The following BAHCC1 variants were observed in gnomAD, a reference collection of about 807,000 sequenced individuals.
The protein encoded by BAHCC1 is BAH and coiled-coil domain-containing protein 1.
In BAHCC1, 43 loss-of-function variants were observed where a neutral mutation model predicts 88.2. That is an observed-to-expected ratio of 0.49 (90% confidence interval 0.38 to 0.63). BAHCC1 has a LOEUF of 0.63. Among genes scored for constraint, BAHCC1 ranks in the 20% least tolerant of loss-of-function variants. The pLI, the probability that BAHCC1 is intolerant of heterozygous loss-of-function variation, is 0.00. For synonymous variants in BAHCC1, 1,510 were observed against 745.5 expected (o/e 2.03, Z -16.71); for missense variants, 3,023 against 1,654.8 (o/e 1.83, Z -14.34).
intron 2 of BAHCC1, among the ~76,000 whole-genome samples, chr17:81,418,773 G>A (rs2064068687): frequency 2.1e-5 from 2 of 94,418 alleles, no homozygotes; most frequent in South Asian, 7.7e-4. Context: ...GTACGTGTGT[G>A]TACGTGTGTG....
At chr17:81,422,724 G>C (rs1453094954) in intron 2 of BAHCC1, 1 of 418,914 alleles carries the variant, frequency 2.4e-6, no homozygotes, top group Non-Finnish European at 4.8e-6. Flanking sequence ...CAAGGTACAG[G>C]GTTCTCAGGC....
chr17:81,410,023 G>A, intron 2 of BAHCC1: 1 of 290,324 alleles, frequency 3.4e-6, no homozygotes, highest in Non-Finnish European at 7.3e-6. Flanking sequence ...GGTGGCCCCT[G>A]CTCTTCCCTC....
At chr17:81,410,868 G>A (rs1163543320) in intron 2 of BAHCC1, among the ~76,000 whole-genome samples, 2 of 152,102 alleles carry the variant, frequency 1.3e-5, no homozygotes, top group African/African-American at 2.4e-5. Flanking sequence ...GGGGTTGGGG[G>A]ACAATGAAGC....
At chr17:81,456,997 G>A (rs1403137833) in intron 16 of BAHCC1, among the ~76,000 whole-genome samples, 1 of 152,064 alleles carries the variant, frequency 6.6e-6, no homozygotes, top group African/African-American at 2.4e-5. Flanking sequence ...AAAAATAGAA[G>A]CTTCCTTTCT....
At chr17:81,418,109 G>A (rs1055461624) in intron 2 of BAHCC1, among the ~76,000 whole-genome samples, 8 of 152,232 alleles carry the variant, frequency 5.3e-5, no homozygotes, top group African/African-American at 1.9e-4. Context: ...GGCAGAAGAG[G>A]CAACAGTAAG....
intron 2 of BAHCC1, among the ~76,000 whole-genome samples, chr17:81,405,605 C>G (rs1476914674): frequency 2.0e-5 from 3 of 152,180 alleles, no homozygotes; most frequent in Admixed American, 6.5e-5. Flanking sequence ...CTGTCCATGT[C>G]CCTGGGCTGG....
chr17:81,411,514 G>GCCTTCCTTCCTTCCTTCCTTCCATCCTT lies in BAHCC1; in HGVS notation c.178+11619_178+11620insATCCTTCCTTCCTTCCTTCCTTCCTTCC, dbSNP rs2063952588. The GCCTTCCTTCCTTCCTTCCTTCCATCCTT allele has an allele frequency of 5.9e-6, 1 of 168,876 alleles. No individual in the cohort carries two copies. The highest frequency in any genetic ancestry group is 7.1e-5 in the Admixed American group (1 of 14,122). The allele number at this position is 168,876 out of a possible 1,614,324, so 10.5% of individuals were successfully genotyped here. Reference sequence around the variant, plus strand: ...TGCCTGCCTGCCTGCCTGCCTGCCTGCCTTCCTTCCTTCCTTCCTTCCTTC... The same window carrying GCCTTCCTTCCTTCCTTCCTTCCATCCTT: ...TGCCTGCCTGCCTGCCTGCCTGCCTGCCTTCCTTCCTTCCTTCCTTCCATCCTTCCTTCCTTCCTTCCTTCCTTCCTTC... On this transcript the variant is annotated intron_variant, in intron 2 of 27. Transcript: ENST00000675386. The surrounding 1 kb of genome is among the most constrained non-coding windows in gnomAD (Gnocchi z 6.2).
chr17:81,462,551 C>T (rs1371055721), intron 26 of BAHCC1, 189 bp from the exon 27 acceptor site: 3 of 581,610 alleles, frequency 5.2e-6, no homozygotes, highest in Non-Finnish European at 9.1e-6. Flanking sequence ...AGGCGTGGCC[C>T]CTGCTCCAGA....
In BAHCC1 at chr17:81,447,562, C is replaced by A. The variant is rs375519029; in HGVS notation, c.3690C>A (p.Asp1230Glu). 1.3e-6 allele frequency: 1 copy of A among 756,724 alleles called. No homozygotes were observed. 46.9% of individuals were successfully genotyped at this position (756,724 alleles called of 1,614,324 possible). A position where few individuals can be genotyped will look rare whatever the true frequency, so the allele number is the denominator to read the frequency against. The change falls in exon 11 of 28, where the codon GAC (aspartate) becomes GAA (glutamate). Residue 1230 changes from aspartate to glutamate, a missense_variant. By Grantham distance (45) the Asp-to-Glu change is conservative. Coordinates refer to ENST00000675386, the MANE Select transcript of BAHCC1 (RefSeq NM_001377448.1). ...PAPEEDELEEDELGQQSMEDS... is the reference protein window; with the variant it reads ...PAPEEDELEEEELGQQSMEDS... ...CTGAGGAGGACGAGCTGGAGGAAGA[C>A]GAGCTGGGGCAGCAGAGCATGGAGG...
At chr17:81,416,116 G>GTGTA (rs1555648642) in intron 2 of BAHCC1, among the ~76,000 whole-genome samples, 2 of 147,956 alleles carry the variant, frequency 1.4e-5, no homozygotes, top group Non-Finnish European at 1.5e-5. Flanking sequence ...GGGTGTGTGT[G>GTGTA]TGTCCATGAG....
At chr17:81,422,796 C>A (rs1555649745) in intron 2 of BAHCC1, 2 of 442,490 alleles carry the variant, frequency 4.5e-6, no homozygotes, top group African/African-American at 4.1e-5. Context: ...TTCCCACCAT[C>A]CCGAGGAGGA....
chr17:81,399,128 A>AGTGTGAGTGT lies in BAHCC1; in HGVS notation c.-206-401_-206-400insAGTGTGTGTG, dbSNP rs1555645399. 1 of 224,236 alleles carries AGTGTGAGTGT rather than the reference A, an allele frequency of 4.5e-6. No individual in the cohort carries two copies. Among genetic ancestry groups the AGTGTGAGTGT allele is most frequent in the Admixed American group, 5.0e-5 (1 of 20,002 alleles). The allele number at this position is 224,236 out of a possible 1,614,324, so 13.9% of individuals were successfully genotyped here. A position where few individuals can be genotyped will look rare whatever the true frequency, so the allele number is the denominator to read the frequency against. Reference sequence around the variant, plus strand: ...GGGGAGGGGAGAGGGTGTGCGTGTGAGTGTGTGTGTGTGTGTGTGTGTGTG... The same window carrying AGTGTGAGTGT: ...GGGGAGGGGAGAGGGTGTGCGTGTGAGTGTGAGTGTGTGTGTGTGTGTGTGTGTGTGTGTG... On this transcript the variant is annotated intron_variant, in intron 1 of 27. Transcript: ENST00000675386. The surrounding 1 kb of genome is among the most constrained non-coding windows in gnomAD (Gnocchi z 4.5).
At chr17:81,430,782 T>C (rs1223342393) in intron 3 of BAHCC1, among the ~76,000 whole-genome samples, 1 of 152,054 alleles carries the variant, frequency 6.6e-6, no homozygotes, top group Non-Finnish European at 1.5e-5. Flanking sequence ...CCGGCCTCGG[T>C]TTCCTCGGTG....
intron 10 of BAHCC1, among the ~76,000 whole-genome samples, chr17:81,446,158 T>G (rs1375114074): frequency 6.6e-6 from 1 of 152,092 alleles, no homozygotes; most frequent in Non-Finnish European, 1.5e-5. Context: ...GCCTATTTGA[T>G]TCTCTCTGAG....
chr17:81,405,632 A>G (rs1483018408), intron 2 of BAHCC1, among the ~76,000 whole-genome samples: 1 of 152,184 alleles, frequency 6.6e-6, no homozygotes, highest in African/African-American at 2.4e-5. Context: ...CCAAGCACAG[A>G]TAGAGTTCAG....
chr17:81,459,803 C>T (rs1355213728), intron 23 of BAHCC1, among the ~76,000 whole-genome samples, 199 bp downstream of exon 23: 1 of 151,766 alleles, frequency 6.6e-6, no homozygotes, highest in Admixed American at 6.6e-5. Flanking sequence ...GGGGCTCCGG[C>T]CTCCAGCCAA....
chr17:81,418,697 C>T lies in BAHCC1; in HGVS notation c.179-8103C>T, dbSNP rs531098885. On this transcript the variant is annotated intron_variant, in intron 2 of 27. Transcript: ENST00000675386. ...GCAGCATCTTTGAGGACTTGCCCAGCTGTGTGGCTCCCATGCCCGAGAACA... is the reference window on the plus strand; with the variant it reads ...GCAGCATCTTTGAGGACTTGCCCAGTTGTGTGGCTCCCATGCCCGAGAACA... 7.9e-5 allele frequency among the ~76,000 whole-genome samples: 12 copies of T among 152,264 alleles called. No individual in the cohort carries two copies. The South Asian group carries it at 1.9e-3, about 24-fold the overall frequency.
chr17:81,445,761 C>T, intron 10 of BAHCC1, 80 bp downstream of exon 10: 1 of 665,348 alleles, frequency 1.5e-6, no homozygotes, highest in South Asian at 1.7e-5. Flanking sequence ...TGCGCTGAAT[C>T]CGGGCTGCCT....
Position 81,461,111 on chromosome 17 carries a change from G to A in BAHCC1, c.6448G>A (p.Gly2150Ser), listed in dbSNP as rs1555659140. The A allele has an allele frequency of 1.3e-6, 1 of 766,530 alleles. No homozygotes were observed. The highest frequency in any genetic ancestry group is 2.4e-6 in the Non-Finnish European group (1 of 416,816). The allele number at this position is 766,530 out of a possible 1,614,324, so 47.5% of individuals were successfully genotyped here. ...PVHSVATPIF[G>S]NGFRADSFSS... ...GCACAGCGTGGCCACACCCATATTT[G>A]GCAACGGCTTCCGCGCCGACTCCTT... is the stretch of plus-strand genomic sequence containing the variant. The change falls in exon 26 of 28, where the codon GGC becomes AGC. Residue 2150 changes from glycine to serine, a missense_variant. Physicochemically the swap from Gly to Ser is moderately conservative, Grantham distance 56. Coordinates refer to ENST00000675386, the MANE Select transcript of BAHCC1 (RefSeq NM_001377448.1).
Sources: gnomAD v4.1 joint callset for allele counts (sites outside exome capture counted in the v4.1 genomes callset) on GRCh38, gnomAD v4.1.1 for gene constraint, Gnocchi (gnomAD v3.1) non-coding constraint, MANE v1.5 for transcripts, NCBI Gene and HGNC (gene_info 2026-07-23, HGNC 2026-07-21) for gene names.